Variants in PCDHA1 observed in about 807,000 individuals in gnomAD.
PCDHA1 encodes the protein protocadherin alpha-1.
In PCDHA1, 42 loss-of-function variants were observed where a neutral mutation model predicts 61.3. That is an observed-to-expected ratio of 0.69 (90% CI 0.54 to 0.89). The LOEUF is 0.89. Among genes scored for constraint, PCDHA1 ranks in the 40% least tolerant of loss-of-function variants. The probability of loss-of-function intolerance (pLI) is 0.00; values close to 1 mark genes in which losing one functional copy is unlikely to be tolerated. For synonymous variants in PCDHA1, 610 were observed against 553.8 expected, an observed-to-expected ratio of 1.10 and a Z score of -1.43; for missense variants, 1,256 against 1,235.3, an observed-to-expected ratio of 1.02 and a Z score of -0.25.
At chr5:140,813,879 G>A (rs1765395294) in intron 1 of PCDHA1, 1 of 152,278 alleles carries the variant, frequency 6.6e-6, no homozygotes, top group South Asian at 2.1e-4. Context: ...CACACTTGTA[G>A]TTCCAGCTAC....
intron 1 of PCDHA1, chr5:140,829,367 A>G (rs1190991665): frequency 3.7e-6 from 6 of 1,614,046 alleles, no homozygotes; most frequent in Non-Finnish European, 5.1e-6. Context: ...GTTGGTGGTA[A>G]CCGCGCGGGA....
Position 140,902,287 on chromosome 5 carries a change from C to T in PCDHA1, c.2395-76662C>T, listed in dbSNP as rs150308530. Among the ~76,000 whole-genome samples the T allele has an allele frequency of 1.9e-3, 280 of 150,946 alleles. 2 individuals are homozygous for T. The highest frequency in any genetic ancestry group is 6.5e-3 in the African/African-American group (266 of 41,018). ...TCCTGGGCTCAAGCAATCCTCCTGC[C>T]TCAGCCTCCCAAAGTGCTGGGATTA... is the stretch of plus-strand genomic sequence containing the variant. On this transcript the variant is annotated intron_variant, in intron 1 of 3. Transcript: ENST00000504120.
At chr5:140,848,581 G>C in intron 1 of PCDHA1, 1 of 1,595,130 alleles carries the variant, frequency 6.3e-7, no homozygotes, top group Non-Finnish European at 8.6e-7. Flanking sequence ...GTGGGGAGCG[G>C]CCAGCTCCAC....
At chr5:140,874,008 T>C (rs2054633118) in intron 1 of PCDHA1, among the ~76,000 whole-genome samples, 5 of 152,208 alleles carry the variant, frequency 3.3e-5, no homozygotes. Context: ...CATTGACCAC[T>C]TTTGAAAATG....
chr5:140,854,220 C>A, intron 1 of PCDHA1: 2 of 616,474 alleles, frequency 3.2e-6, no homozygotes, highest in Non-Finnish European at 4.0e-6. Context: ...TATTGGACAT[C>A]TACATTGGGA....
At chr5:140,975,208 G>A (rs1449804050) in intron 1 of PCDHA1, among the ~76,000 whole-genome samples, 1 of 152,170 alleles carries the variant, frequency 6.6e-6, no homozygotes, top group African/African-American at 2.4e-5. Context: ...TTCATGGCTG[G>A]CACTGGAGAA....
At chr5:140,982,816 G>A (rs970352633) in intron 3 of PCDHA1, among the ~76,000 whole-genome samples, 9 of 151,630 alleles carry the variant, frequency 5.9e-5, no homozygotes, top group Non-Finnish European at 1.0e-4. Flanking sequence ...TGTGTATGAA[G>A]TTTTTGGGGT....
At chr5:140,831,247 T>C (rs752027104) in intron 1 of PCDHA1, 1 of 152,234 alleles carries the variant, frequency 6.6e-6, no homozygotes, top group Admixed American at 6.6e-5. Flanking sequence ...TGCGGCTCTC[T>C]TATTTCTGTT....
chr5:141,009,562 C>G lies in PCDHA1; in HGVS notation c.2543-65C>G, dbSNP rs1469033090. On this transcript the variant is annotated intron_variant, in intron 3 of 3. Transcript: ENST00000504120. ...GCCTATGCAGTACTCCTGTACTCTA[C>G]CAGCAGTGTGGCATCAAGAGCATGT... The G allele has an allele frequency of 2.5e-6, 4 of 1,571,226 alleles. No individual in the cohort carries two copies. In the African/African-American group the frequency reaches 5.4e-5, roughly 21 times the overall value.
intron 1 of PCDHA1, among the ~76,000 whole-genome samples, chr5:140,890,662 C>G (rs75284753): frequency 3.3e-5 from 5 of 152,136 alleles, no homozygotes; most frequent in South Asian, 2.1e-4. Flanking sequence ...CAAAAGTTAA[C>G]TGAAACCCTT....
intron 1 of PCDHA1, among the ~76,000 whole-genome samples, chr5:140,920,557 G>A (rs1554199669): frequency 6.6e-6 from 1 of 152,158 alleles, no homozygotes; most frequent in African/African-American, 2.4e-5. Flanking sequence ...TCGAAGTGTG[G>A]CCCTTAGGCC....
chr5:140,971,599 A>G (rs891227830), intron 1 of PCDHA1, among the ~76,000 whole-genome samples: 1 of 152,140 alleles, frequency 6.6e-6, no homozygotes, highest in African/African-American at 2.4e-5. Flanking sequence ...GTTACTACAG[A>G]TGGCAGGAGA....
At chr5:140,909,972 T>C (rs948733470) in intron 1 of PCDHA1, among the ~76,000 whole-genome samples, 1 of 152,220 alleles carries the variant, frequency 6.6e-6, no homozygotes. Context: ...TGGGGAAGGA[T>C]GGGAGAAAGA....
intron 1 of PCDHA1, chr5:140,858,332 C>T: frequency 6.3e-7 from 1 of 1,596,258 alleles, no homozygotes; most frequent in East Asian, 2.2e-5. Context: ...TGGGGAGGGC[C>T]TGCCCAAGGC....
chr5:140,850,347 G>T, intron 1 of PCDHA1: 9 of 1,597,856 alleles, frequency 5.6e-6, no homozygotes, highest in Non-Finnish European at 7.7e-6. Flanking sequence ...AACGGCCAGC[G>T]CGAGCATCCC....
intron 1 of PCDHA1, chr5:140,877,670 C>A: frequency 6.2e-7 from 1 of 1,613,654 alleles, no homozygotes; most frequent in Non-Finnish European, 8.5e-7. Flanking sequence ...AGCCGGTGCG[C>A]GCCGGGCAAG....
chr5:140,853,773 G>T lies in PCDHA1; in HGVS notation c.2394+65089G>T, dbSNP rs1314625859. The T allele has an allele frequency of 6.1e-6, 6 of 987,764 alleles. No homozygotes were observed. The African/African-American group carries it at 1.1e-4, about 17-fold the overall frequency. 61.2% of individuals were successfully genotyped at this position (987,764 alleles called of 1,614,324 possible). On this transcript the variant is annotated intron_variant, in intron 1 of 3. Transcript: ENST00000504120. ...GGCTCCACCTCAGAAATTCTGAAAT[G>T]GGTAGTAAGAGCAAATTTTCATTTT...
At chr5:140,934,561 TTTAA>T (rs549996624) in intron 1 of PCDHA1, among the ~76,000 whole-genome samples, 1 of 152,208 alleles carries the variant, frequency 6.6e-6, no homozygotes, top group South Asian at 2.1e-4. Flanking sequence ...TCTTCTTTTT[TTTAA>T]TTAATTGTAA....
At chr5:140,883,311 C>T (rs1562787016) in intron 1 of PCDHA1, 9 of 1,613,984 alleles carry the variant, frequency 5.6e-6, no homozygotes, top group Non-Finnish European at 7.6e-6. Flanking sequence ...GATAACGCCC[C>T]AGAGGTTACC....
Sources: gnomAD v4.1 joint callset for allele counts (sites outside exome capture counted in the v4.1 genomes callset) on GRCh38, gnomAD v4.1.1 for gene constraint, MANE v1.5 for transcripts, NCBI Gene and HGNC (gene_info 2026-07-23, HGNC 2026-07-21) for gene names.